SELENON: variants seen among roughly 807,000 people sequenced by gnomAD.
SELENON encodes the protein selenoprotein N, also known as selenoprotein N, 1.
In SELENON, 44 loss-of-function variants were observed where a neutral mutation model predicts 59.5. The ratio of observed to expected loss-of-function variants is 0.74; its 90% CI spans 0.58 to 0.95. The LOEUF is 0.95. SELENON is among the 40% of genes least tolerant of loss of function. The pLI, the probability that SELENON is intolerant of heterozygous loss-of-function variation, is 0.00. For missense variants in SELENON, 674 were observed against 721.4 expected, an observed-to-expected ratio of 0.93 and a Z score of 0.75; for synonymous variants, 320 against 305.6, an observed-to-expected ratio of 1.05 and a Z score of -0.49.
At chr1:25,805,607 C>T (rs2047899899) in intron 4 of SELENON, among the ~76,000 whole-genome samples, 1 of 151,840 alleles carries the variant, frequency 6.6e-6, no homozygotes, top group African/African-American at 2.4e-5. Context: ...AGTAGAGACC[C>T]TGTTAGTGCA....
At chr1:25,801,516 C>T (rs574113456) in intron 2 of SELENON, among the ~76,000 whole-genome samples, 1 of 152,146 alleles carries the variant, frequency 6.6e-6, no homozygotes. Flanking sequence ...AAAAATTAGC[C>T]GGGTGTGGTG....
chr1:25,801,515 C>T (rs1250113532), intron 2 of SELENON, among the ~76,000 whole-genome samples: 1 of 152,098 alleles, frequency 6.6e-6, no homozygotes, highest in Non-Finnish European at 1.5e-5. Flanking sequence ...CAAAAATTAG[C>T]CGGGTGTGGT....
At chr1:25,814,350 G>T (rs191765975) in intron 12 of SELENON, among the ~76,000 whole-genome samples, 172 bp downstream of exon 11, 2 of 152,376 alleles carry the variant, frequency 1.3e-5, no homozygotes, top group African/African-American at 4.8e-5. Flanking sequence ...CGTTGTCCCC[G>T]TGTAGAAACA....
Position 25,800,346 on chromosome 1 carries a change from C to T in SELENON, c.116C>T (p.Ala39Val). 1.9e-6 allele frequency: 2 copies of T among 1,028,138 alleles called. No homozygotes were observed. Among genetic ancestry groups the T allele is most frequent in the Non-Finnish European group, 1.2e-6 (1 of 859,432 alleles). The allele number at this position is 1,028,138 out of a possible 1,614,324, so 63.7% of individuals were successfully genotyped here. A position where few individuals can be genotyped will look rare whatever the true frequency, so the allele number is the denominator to read the frequency against. ...CTGGCGCTGCTCGGAGCCCTGCTGG[C>T]CGCCGCCGCTGCCGCCGCCGTCCGG... Residue 39 changes from alanine (A) to valine (V), a missense_variant, in exon 1 of 13, where the codon GCC becomes GTC. Physicochemically the swap from Ala to Val is moderately conservative, Grantham distance 64 (BLOSUM62 0). Coordinates refer to ENST00000361547, the MANE Select transcript of SELENON (RefSeq NM_020451.3).
rs112727286 is a variant in SELENON at position 25,800,267 on chromosome 1, A to G, written c.37A>G (p.Ser13Gly). The change falls in exon 1 of 13, where the codon AGC becomes GGC. Residue 13 changes from serine to glycine, a missense_variant. By Grantham distance (56) the Ser-to-Gly change is moderately conservative. Coordinates refer to ENST00000361547, the MANE Select transcript of SELENON (RefSeq NM_020451.3). ...CCGGCCGGGCCAACGCGGGCCGCCC[A>G]GCCCCGGCCCCGCCGCGCAGCCTCC... 1 of 946,074 alleles carries G rather than the reference A, an allele frequency of 1.1e-6. No individual in the cohort carries two copies. The allele number at this position is 946,074 out of a possible 1,614,324, so 58.6% of individuals were successfully genotyped here.
At chr1:25,815,398 G>C (rs2048001869) in intron 12 of SELENON, 150 bp from the exon 12 acceptor site, 1 of 683,380 alleles carries the variant, frequency 1.5e-6, no homozygotes, top group Admixed American at 2.4e-5. Flanking sequence ...TGCTGGCGAG[G>C]GCTTACGGCA....
At chr1:25,802,566 G>A (rs569075856) in intron 3 of SELENON, among the ~76,000 whole-genome samples, 1 of 152,200 alleles carries the variant, frequency 6.6e-6, no homozygotes, top group Non-Finnish European at 1.5e-5. Context: ...TTGTTAGCTA[G>A]GCTGGTCTCG....
intron 3 of SELENON, among the ~76,000 whole-genome samples, chr1:25,803,473 T>C (rs775250033): frequency 9.9e-5 from 15 of 152,156 alleles, no homozygotes; most frequent in Non-Finnish European, 2.1e-4. Flanking sequence ...TCCCTTAAAA[T>C]TTTTACAAAT....
Position 25,807,749 on chromosome 1 carries a change from G to A in SELENON, c.538-831G>A, listed in dbSNP as rs542460408. The stretch of plus-strand genomic sequence containing the variant: ...TCCTCCTACCTCCCACCAAGCCTGA[G>A]CTCCTGCTGCCAGGGAGGTGGCGAC... On this transcript the variant is annotated intron_variant, in intron 4 of 12. Transcript: ENST00000361547. The surrounding 1 kb of genome is among the most constrained non-coding windows in gnomAD (Gnocchi z 4.5). Among the ~76,000 whole-genome samples the A allele has an allele frequency of 6.6e-6, 1 of 152,328 alleles. No homozygotes were observed. Among genetic ancestry groups the A allele is most frequent in the Admixed American group, 6.5e-5 (1 of 15,308 alleles).
In SELENON at chr1:25,809,759, A is replaced by C. The variant is rs2047942405; in HGVS notation, c.949A>C (p.Ile317Leu). The change falls in exon 7 of 13, where the codon ATC becomes CTC. Residue 317 changes from isoleucine (I) to leucine (L), a missense_variant. Ile to Leu is a conservative substitution (Grantham distance 5, BLOSUM62 2). Transcript: ENST00000361547. ...CTCCCCTGCTCAGTTCACCGGCCAC[A>C]TCATCCTCTCCAAAGACGCCACCCA... 6.2e-7 allele frequency: 1 copy of C among 1,613,960 alleles called. No individual in the cohort carries two copies. Among genetic ancestry groups the C allele is most frequent in the South Asian group, 1.1e-5 (1 of 91,082 alleles).
In SELENON at chr1:25,812,962, G is replaced by A. The variant is rs544668708; in HGVS notation, c.1387+170G>A. Among the ~76,000 whole-genome samples the A allele has an allele frequency of 7.2e-5, 11 of 152,292 alleles. No homozygotes were observed. The South Asian group carries it at 2.3e-3, about 32-fold the overall frequency. On this transcript the variant is annotated intron_variant, in intron 10 of 12. Coordinates refer to ENST00000361547, the MANE Select transcript of SELENON (RefSeq NM_020451.3). ...TGGGGGTTTCTGTGCTGAGCCCAGA[G>A]GGAGCTACCAGATGCTGAAGAAAGG... is the stretch of plus-strand genomic sequence containing the variant.
chr1:25,803,699 G>GT (rs1332015479), intron 3 of SELENON, among the ~76,000 whole-genome samples: 22 of 45,156 alleles, frequency 4.9e-4, no homozygotes, highest in African/African-American at 1.2e-3. Flanking sequence ...ATTGGTTTTT[G>GT]TTTTTTTTGT....
At chr1:25,804,146 C>T (rs2047882797) in intron 3 of SELENON, among the ~76,000 whole-genome samples, 2 of 152,122 alleles carry the variant, frequency 1.3e-5, no homozygotes, top group Admixed American at 1.3e-4. Context: ...CTTACAAATA[C>T]AGAAATAAGT....
chr1:25,808,981 C>A, intron 5 of SELENON, 45 bp from the exon 5 acceptor site: 1 of 1,612,866 alleles, frequency 6.2e-7, no homozygotes, highest in Non-Finnish European at 8.5e-7. Flanking sequence ...GGATCCAGGC[C>A]CAGCGGGACC....
rs142521498 is a variant in SELENON at position 25,803,210 on chromosome 1, C to CT, written c.403+1099dup. Reference sequence around the variant, plus strand: ...GCATTTGCACAGCTACCTCTTTGTCCTTTTTTGTGGCCAGAGTGAGAGTTC... The same window carrying CT: ...GCATTTGCACAGCTACCTCTTTGTCCTTTTTTTGTGGCCAGAGTGAGAGTTC... On this transcript the variant is annotated intron_variant, in intron 3 of 12. Coordinates refer to ENST00000361547, the MANE Select transcript of SELENON (RefSeq NM_020451.3). Among the ~76,000 whole-genome samples the CT allele has an allele frequency of 8.5e-3, 1,292 of 152,264 alleles. 21 individuals carry two copies. Among genetic ancestry groups the CT allele is most frequent in the African/African-American group, 0.029 (1,217 of 41,542 alleles).
intron 4 of SELENON, among the ~76,000 whole-genome samples, chr1:25,808,261 A>G (rs997609955): frequency 1.3e-5 from 2 of 151,788 alleles, no homozygotes; most frequent in Non-Finnish European, 2.9e-5. Context: ...CCCCATTCCA[A>G]CCTTGCCCTC....
At chr1:25,812,914 G>T in intron 10 of SELENON, 122 bp downstream of exon 9, 1 of 732,456 alleles carries the variant, frequency 1.4e-6, no homozygotes, top group South Asian at 1.7e-5. Context: ...GACTGCCCAT[G>T]GTAGGGGCGT....
At chr1:25,814,996 A>G (rs1373741627) in intron 12 of SELENON, among the ~76,000 whole-genome samples, 1 of 150,524 alleles carries the variant, frequency 6.6e-6, no homozygotes, top group African/African-American at 2.4e-5. Context: ...GGTGTCGGGG[A>G]ACTGGATGAG....
At position 25,814,091 on chromosome 1, in the gene SELENON, C is replaced by T. The variant is rs1480358865; in HGVS notation, c.1515C>T (p.Asn505=). Reference sequence around the variant, plus strand: ...TGTCCCCACAGAACAACCAGGAGAACTCGTCCCACCAGAAGCTGGCTGGCC... The same window carrying T: ...TGTCCCCACAGAACAACCAGGAGAATTCGTCCCACCAGAAGCTGGCTGGCC... The change falls in exon 12 of 13, where the codon AAC becomes AAT. Residue 505 remains asparagine, a synonymous_variant. Coordinates refer to ENST00000361547, the MANE Select transcript of SELENON (RefSeq NM_020451.3). 1.9e-6 allele frequency: 3 copies of T among 1,614,002 alleles called. No homozygotes were observed. Among genetic ancestry groups the T allele is most frequent in the Non-Finnish European group, 2.5e-6 (3 of 1,179,960 alleles).
Sources: gnomAD v4.1 joint callset for allele counts (sites outside exome capture counted in the v4.1 genomes callset) on GRCh38, gnomAD v4.1.1 for gene constraint, Gnocchi (gnomAD v3.1) non-coding constraint, MANE v1.5 for transcripts, NCBI Gene and HGNC (gene_info 2026-07-23, HGNC 2026-07-21) for gene names.